Variants in PTPRD observed in about 807,000 individuals in gnomAD.
The protein encoded by PTPRD is receptor-type tyrosine-protein phosphatase delta.
A neutral mutation model predicts 214.5 loss-of-function variants in PTPRD; 34 were observed. The observed-to-expected ratio is 0.16, with a 90% CI of 0.12 to 0.21. PTPRD has a LOEUF of 0.21. PTPRD is among the 10% of genes least tolerant of loss of function. The probability of loss-of-function intolerance (pLI) is 1.00; values close to 1 mark genes in which losing one functional copy is unlikely to be tolerated. For synonymous variants in PTPRD, 1,128 were observed against 845.7 expected (o/e 1.33, Z -5.79); for missense variants, 2,545 against 2,398.7 (o/e 1.06, Z -1.27).
intron 3 of PTPRD, among the ~76,000 whole-genome samples, chr9:10,115,391 A>G (rs1395336939): frequency 6.6e-6 from 1 of 152,106 alleles, no homozygotes; most frequent in Admixed American, 6.6e-5. Flanking sequence ...GTTTCAATGT[A>G]GTCTATAAAA....
intron 31 of PTPRD, among the ~76,000 whole-genome samples, chr9:8,469,136 A>G (rs2096603908): frequency 1.3e-5 from 2 of 152,028 alleles, no homozygotes; most frequent in African/African-American, 4.8e-5. Flanking sequence ...CACAACTTGG[A>G]TGATTAAAAT....
At chr9:8,614,348 T>C (rs1477224769) in intron 14 of PTPRD, among the ~76,000 whole-genome samples, 1 of 152,174 alleles carries the variant, frequency 6.6e-6, no homozygotes, top group Non-Finnish European at 1.5e-5. Context: ...TTTATGCATT[T>C]GTGGCAAATG....
At chr9:10,203,411 AC>A (rs897173367) in intron 3 of PTPRD, among the ~76,000 whole-genome samples, 16 of 152,034 alleles carry the variant, frequency 1.1e-4, no homozygotes, top group South Asian at 4.2e-4. Context: ...AGCTTTGGCT[AC>A]CCCCCAGGAC....
At chr9:9,608,492 A>G (rs937462817) in intron 7 of PTPRD, among the ~76,000 whole-genome samples, 1 of 152,156 alleles carries the variant, frequency 6.6e-6, no homozygotes, top group African/African-American at 2.4e-5. Context: ...TCTCCCGCAT[A>G]AAGTAACCAA....
At chr9:9,344,948 C>G (rs1034854358) in intron 9 of PTPRD, among the ~76,000 whole-genome samples, 1 of 151,954 alleles carries the variant, frequency 6.6e-6, no homozygotes, top group Non-Finnish European at 1.5e-5. Flanking sequence ...AAAAATGTTA[C>G]TTTGTTACTA....
chr9:10,592,421 T>C (rs2075685364), intron 2 of PTPRD, among the ~76,000 whole-genome samples: 1 of 151,864 alleles, frequency 6.6e-6, no homozygotes. Context: ...GGGGAAAAAA[T>C]TGTTTCGTGA....
intron 11 of PTPRD, among the ~76,000 whole-genome samples, chr9:8,976,812 T>A (rs1452334828): frequency 6.6e-6 from 1 of 152,104 alleles, no homozygotes; most frequent in Middle Eastern, 3.2e-3. Flanking sequence ...ATTGTTGATT[T>A]TTTGGAGTGG....
chr9:8,632,795 G>C (rs1453886469), intron 14 of PTPRD, among the ~76,000 whole-genome samples: 2 of 151,940 alleles, frequency 1.3e-5, no homozygotes, highest in African/African-American at 2.4e-5. Context: ...ATACATATTG[G>C]TTTAAGAAAG....
Position 8,317,602 on chromosome 9 carries a change from A to C in PTPRD, c.*272T>G. On this transcript the variant is annotated 3_prime_UTR_variant, in exon 46 of 46. Coordinates refer to ENST00000381196, the MANE Select transcript of PTPRD (RefSeq NM_002839.4). ...TTTGCTGTGATTTCTTCTTCCCTTG[A>C]TTTTGAATCCTTGAGGTATCTGTAA... is the stretch of plus-strand genomic sequence containing the variant. 1 of 327,128 alleles carries C rather than the reference A, an allele frequency of 3.1e-6. No individual in the cohort carries two copies. Among genetic ancestry groups the C allele is most frequent in the Non-Finnish European group, 5.8e-6 (1 of 171,730 alleles). The allele number at this position is 327,128 out of a possible 1,614,324, so 20.3% of individuals were successfully genotyped here. A position where few individuals can be genotyped will look rare whatever the true frequency, so the allele number is the denominator to read the frequency against.
intron 4 of PTPRD, among the ~76,000 whole-genome samples, chr9:10,023,199 T>C (rs1046119883): frequency 1.3e-5 from 2 of 152,212 alleles, no homozygotes; most frequent in African/African-American, 4.8e-5. Context: ...TGTATCACTG[T>C]TACGACTAAT....
chr9:8,814,393 G>T (rs984153215), intron 11 of PTPRD, among the ~76,000 whole-genome samples: 4 of 152,124 alleles, frequency 2.6e-5, no homozygotes, highest in African/African-American at 9.7e-5. Flanking sequence ...AACAGAGGAG[G>T]GTGAGAAGGA....
At chr9:8,670,269 T>C (rs780201861) in intron 12 of PTPRD, among the ~76,000 whole-genome samples, 16 of 152,172 alleles carry the variant, frequency 1.1e-4, no homozygotes, top group African/African-American at 2.2e-4. Context: ...CCTATATATC[T>C]GCTATTTTGT....
At chr9:9,276,606 G>A (rs1945747774) in intron 9 of PTPRD, among the ~76,000 whole-genome samples, 1 of 151,230 alleles carries the variant, frequency 6.6e-6, no homozygotes, top group Admixed American at 6.6e-5. Context: ...AGCACATGCT[G>A]GCAATTTACT....
intron 8 of PTPRD, among the ~76,000 whole-genome samples, chr9:9,478,712 T>C (rs4742603): frequency 0.54 from 82,685 of 152,016 alleles, 22,592 homozygotes; most frequent in East Asian, 0.69. Context: ...AATTAATTAA[T>C]CTTTTTAAAA....
At position 9,777,402 on chromosome 9, in the gene PTPRD, T is replaced by A. The variant is rs564372112; in HGVS notation, c.-367-10551A>T. Among the ~76,000 whole-genome samples, 5 of 151,904 alleles carry A rather than the reference T, an allele frequency of 3.3e-5. No individual in the cohort carries two copies. The South Asian group carries it at 8.3e-4, about 25-fold the overall frequency. On this transcript the variant is annotated intron_variant, in intron 5 of 45. Coordinates refer to ENST00000381196, the MANE Select transcript of PTPRD (RefSeq NM_002839.4). ...AATAAATTCAACTATTTAAGATAAA[T>A]ATATAATTCCAGCTAGGTGTGGTGG... is the stretch of plus-strand genomic sequence containing the variant.
At chr9:9,061,390 T>C (rs143196928) in intron 10 of PTPRD, among the ~76,000 whole-genome samples, 254 of 152,336 alleles carry the variant, frequency 1.7e-3, no homozygotes, top group African/African-American at 5.7e-3. Context: ...GATTTTAGAA[T>C]CTTGCTTAAA....
At chr9:10,149,236 AC>A (rs2099044263) in intron 3 of PTPRD, among the ~76,000 whole-genome samples, 1 of 152,184 alleles carries the variant, frequency 6.6e-6, no homozygotes, top group Admixed American at 6.6e-5. Flanking sequence ...AAGTTTTGTC[AC>A]TTTTTCATCC....
intron 3 of PTPRD, among the ~76,000 whole-genome samples, chr9:10,057,589 T>C (rs933877317): frequency 2.0e-5 from 3 of 152,122 alleles, no homozygotes; most frequent in African/African-American, 7.2e-5. Context: ...CTCACGCCTG[T>C]AATCCCAGCA....
intron 7 of PTPRD, among the ~76,000 whole-genome samples, chr9:9,583,434 G>T (rs771610288): frequency 3.3e-5 from 5 of 151,860 alleles, no homozygotes; most frequent in African/African-American, 1.2e-4. Flanking sequence ...TCTATAAATG[G>T]GTGCATTCCA....
Sources: gnomAD v4.1 joint callset for allele counts (sites outside exome capture counted in the v4.1 genomes callset) on GRCh38, gnomAD v4.1.1 for gene constraint, MANE v1.5 for transcripts, NCBI Gene and HGNC (gene_info 2026-07-23, HGNC 2026-07-21) for gene names.